Variants in NUP214 observed in about 807,000 individuals in gnomAD.
NUP214 encodes nucleoporin 214.
A neutral mutation model predicts 196.2 loss-of-function variants in NUP214; 79 were observed. That is an observed-to-expected ratio of 0.40 (90% CI 0.34 to 0.49). The LOEUF (loss-of-function observed/expected upper bound fraction) is 0.49, where lower values mean the gene tolerates loss of function less well. Among genes scored for constraint, NUP214 ranks in the 20% least tolerant of loss-of-function variants. The pLI, the probability that NUP214 is intolerant of heterozygous loss-of-function variation, is 0.58. For synonymous variants in NUP214, 1,020 were observed against 990.5 expected, an observed-to-expected ratio of 1.03 and a Z score of -0.56; for missense variants, 2,468 against 2,539.0, an observed-to-expected ratio of 0.97 and a Z score of 0.60.
intron 23 of NUP214, 41 bp from the exon 24 acceptor site, chr9:131,178,270 C>A (rs372167922): frequency 1.3e-6 from 2 of 1,497,898 alleles, no homozygotes; most frequent in Non-Finnish European, 1.9e-6. Flanking sequence ...TTATCCTTTG[C>A]TGGAATTAAT....
At position 131,207,484 on chromosome 9, in the gene NUP214, A is replaced by G. The variant is rs572597815; in HGVS notation, c.5592+5767A>G. Reference sequence around the variant, plus strand: ...CCTATGTAGCCTGGGCTTCCTCACAACGTGGTGGCTAGGTTCCAAGGAGGA... The same window carrying G: ...CCTATGTAGCCTGGGCTTCCTCACAGCGTGGTGGCTAGGTTCCAAGGAGGA... On this transcript the variant is annotated intron_variant, in intron 30 of 35. Transcript: ENST00000359428. Among the ~76,000 whole-genome samples, 5 of 152,234 alleles carry G rather than the reference A, an allele frequency of 3.3e-5. No homozygotes were observed. The South Asian group carries it at 1.0e-3, about 32-fold the overall frequency.
chr9:131,198,406 G>A lies in NUP214; in HGVS notation c.4912G>A (p.Val1638Ile), dbSNP rs138632190. ...TGCAGAGGCAGCAGCATTTGGTACC[G>A]TCACTTCTGGCTCATCCGTCTTTGC... Reference protein sequence around the residue: ...PSAEAAAFGTVTSGSSVFAQP... With the variant: ...PSAEAAAFGTITSGSSVFAQP... Residue 1638 changes from valine (V) to isoleucine (I), a missense_variant, in exon 29 of 36, where the codon GTC (valine) becomes ATC (isoleucine). Physicochemically the swap from Val to Ile is conservative, Grantham distance 29 (BLOSUM62 3). Around this residue, in one of 5 missense-constraint regions of NUP214, gnomAD observed 1,801 missense variants for 1,779.4 expected, o/e 1.01. Coordinates refer to ENST00000359428, the MANE Select transcript of NUP214 (RefSeq NM_005085.4). The A allele has an allele frequency of 9.0e-5, 145 of 1,614,262 alleles. No individual in the cohort carries two copies. The East Asian group carries it at 2.2e-3, about 24-fold the overall frequency.
intron 6 of NUP214, 54 bp downstream of exon 6, chr9:131,132,713 A>G (rs1831594179): frequency 6.8e-7 from 1 of 1,467,014 alleles, no homozygotes; most frequent in African/African-American, 1.4e-5. Context: ...TATGTATATT[A>G]CAGAAATTCA....
At chr9:131,193,724 T>G (rs1029372696) in intron 27 of NUP214, among the ~76,000 whole-genome samples, 1 of 140,442 alleles carries the variant, frequency 7.1e-6, no homozygotes, top group African/African-American at 2.6e-5. Flanking sequence ...AGATCTCAGC[T>G]CACTGCAATC....
chr9:131,184,426 C>T (rs528964012), intron 24 of NUP214, among the ~76,000 whole-genome samples: 21 of 151,556 alleles, frequency 1.4e-4, no homozygotes, highest in African/African-American at 4.1e-4. Context: ...CTCTGTCTCC[C>T]GGGTTCAAGC....
chr9:131,183,710 C>G (rs1169140649), intron 24 of NUP214, among the ~76,000 whole-genome samples: 1 of 151,974 alleles, frequency 6.6e-6, no homozygotes, highest in Non-Finnish European at 1.5e-5. Flanking sequence ...TAGTAATGAC[C>G]AGAAACTTAA....
chr9:131,197,771 G>A lies in NUP214; in HGVS notation c.4277G>A (p.Ser1426Asn). 1.9e-6 allele frequency: 3 copies of A among 1,614,204 alleles called. No homozygotes were observed. The South Asian group carries it at 3.3e-5, about 18-fold the overall frequency. Reference sequence around the variant, plus strand: ...AGTGCAGGATCCTCTGGGGTCATCAGTTTTGGTGGGACATCTCTAAGTGCT... The same window carrying A: ...AGTGCAGGATCCTCTGGGGTCATCAATTTTGGTGGGACATCTCTAAGTGCT... ...VTSAGSSGVI[S>N]FGGTSLSAGK... Residue 1426 changes from serine to asparagine, a missense_variant, in exon 29 of 36, where the codon AGT (serine) becomes AAT (asparagine). Physicochemically the swap from Ser to Asn is conservative, Grantham distance 46. Transcript: ENST00000359428.
chr9:131,190,032 T>C (rs1223962547), intron 26 of NUP214: 3 of 176,178 alleles, frequency 1.7e-5, no homozygotes, highest in African/African-American at 7.1e-5. Context: ...ATCCCAAACT[T>C]TCTGATTGGA....
chr9:131,166,063 A>G lies in NUP214; in HGVS notation c.2893+1919A>G, dbSNP rs557097212. On this transcript the variant is annotated intron_variant, in intron 21 of 35. Transcript: ENST00000359428. ...GATGATTACACAACAATGTGAATGT[A>G]CTTAATACCAATGAACTGTGTACTT... Among the ~76,000 whole-genome samples, 28 of 152,340 alleles carry G rather than the reference A, an allele frequency of 1.8e-4. No homozygotes were observed. The South Asian group carries it at 3.7e-3, about 20-fold the overall frequency.
At chr9:131,149,277 C>G (rs1055770731) in intron 14 of NUP214, among the ~76,000 whole-genome samples, 3 of 149,514 alleles carry the variant, frequency 2.0e-5, no homozygotes, top group Non-Finnish European at 4.5e-5. Flanking sequence ...CTGATGCAGT[C>G]TAAGACCTCT....
chr9:131,186,846 A>G (rs1012211231), intron 24 of NUP214, among the ~76,000 whole-genome samples: 5 of 152,214 alleles, frequency 3.3e-5, no homozygotes, highest in Non-Finnish European at 7.3e-5. Context: ...TGAGAAGCTA[A>G]GATCTCTTTG....
chr9:131,132,432 A>T (rs1361876518), intron 5 of NUP214, among the ~76,000 whole-genome samples, 164 bp from the exon 6 acceptor site: 1 of 152,172 alleles, frequency 6.6e-6, no homozygotes, highest in Non-Finnish European at 1.5e-5. Flanking sequence ...GGGTTTCTGT[A>T]GGATGAAGTC....
intron 9 of NUP214, chr9:131,136,696 A>G (rs937675547): frequency 8.5e-5 from 13 of 152,242 alleles, no homozygotes; most frequent in African/African-American, 2.9e-4. Context: ...TTTGACTTTG[A>G]AAAACTGTCA....
intron 11 of NUP214, 72 bp downstream of exon 11, chr9:131,140,782 C>A: frequency 6.9e-7 from 1 of 1,446,802 alleles, no homozygotes; most frequent in Non-Finnish European, 9.5e-7. Context: ...CAAGAATGAA[C>A]ATGGTGTGAA....
intron 11 of NUP214, among the ~76,000 whole-genome samples, chr9:131,140,964 C>T (rs920393008): frequency 2.6e-5 from 4 of 152,122 alleles, no homozygotes; most frequent in African/African-American, 4.8e-5. Flanking sequence ...TGCATCCAGT[C>T]GTTTACCAAC....
In NUP214 at chr9:131,233,440, G is replaced by C; in HGVS notation, c.6240-14G>C. The stretch of plus-strand genomic sequence containing the variant: ...GAGCAGCTGACTCCACCACTGTCCT[G>C]TGCTTCCTTGCAGGTCTGTCCAGGG... On this transcript the variant is annotated splice_polypyrimidine_tract_variant and intron_variant, in intron 35 of 35. Coordinates refer to ENST00000359428, the MANE Select transcript of NUP214 (RefSeq NM_005085.4). 6.2e-7 allele frequency: 1 copy of C among 1,606,830 alleles called. No homozygotes were observed. The highest frequency in any genetic ancestry group is 8.5e-7 in the Non-Finnish European group (1 of 1,175,938).
chr9:131,163,345 G>A (rs1421992692), intron 19 of NUP214, 172 bp downstream of exon 19: 2 of 600,004 alleles, frequency 3.3e-6, no homozygotes, highest in Admixed American at 7.1e-5. Context: ...TAAAAAATGA[G>A]GATGACAATA....
At chr9:131,187,166 C>A in intron 24 of NUP214, 123 bp from the exon 25 acceptor site, 1 of 724,976 alleles carries the variant, frequency 1.4e-6, no homozygotes, top group Non-Finnish European at 2.4e-6. Flanking sequence ...GTATTGGGGT[C>A]CCATGCATCT....
chr9:131,192,774 C>A (rs1357625636), intron 27 of NUP214: 4 of 152,600 alleles, frequency 2.6e-5, no homozygotes. Context: ...GACCTCATCT[C>A]TACAAAAAAT....
Sources: gnomAD v4.1 joint callset for allele counts (sites outside exome capture counted in the v4.1 genomes callset) on GRCh38, gnomAD v4.1.1 for gene constraint, gnomAD v4.1.1 regional missense constraint, MANE v1.5 for transcripts, NCBI Gene and HGNC (gene_info 2026-07-23, HGNC 2026-07-21) for gene names.